Variants in PLA2R1 observed in about 807,000 individuals in gnomAD.
PLA2R1 encodes the protein phospholipase A2 receptor 1.
Under a neutral mutation model 195.9 loss-of-function variants are expected in PLA2R1, and 158 were observed. The ratio of observed to expected loss-of-function variants is 0.81; its 90% CI spans 0.71 to 0.92. The LOEUF (loss-of-function observed/expected upper bound fraction) is 0.92. Among genes scored for constraint, PLA2R1 ranks in the 40% least tolerant of loss-of-function variants. PLA2R1 has a pLI of 0.00. For missense variants in PLA2R1, 1,626 were observed against 1,764.6 expected (o/e 0.92, Z 1.41); for synonymous variants, 586 against 598.2 (o/e 0.98, Z 0.30).
chr2:160,046,395 G>T (rs572949849), intron 1 of PLA2R1, among the ~76,000 whole-genome samples: 1 of 152,198 alleles, frequency 6.6e-6, no homozygotes, highest in Non-Finnish European at 1.5e-5. Flanking sequence ...GGTTTAGGGC[G>T]GGTCATGTAA....
chr2:160,023,215 G>C (rs768127431), intron 6 of PLA2R1, among the ~76,000 whole-genome samples: 9 of 152,104 alleles, frequency 5.9e-5, no homozygotes, highest in Non-Finnish European at 1.2e-4. Flanking sequence ...GTAAAATAAG[G>C]CTGAGACCTA....
At chr2:160,060,668 G>GA (rs1695890951) in intron 1 of PLA2R1, among the ~76,000 whole-genome samples, 1 of 152,194 alleles carries the variant, frequency 6.6e-6, no homozygotes, top group Non-Finnish European at 1.5e-5. Context: ...CTACTAAAAA[G>GA]AAGGCACTGA....
chr2:160,062,551 G>A lies in PLA2R1; in HGVS notation c.-148C>T. 1 of 1,353,154 alleles carries A rather than the reference G, an allele frequency of 7.4e-7. No individual in the cohort carries two copies. The highest frequency in any genetic ancestry group is 1.7e-5 in the South Asian group (1 of 60,288). The allele number at this position is 1,353,154 out of a possible 1,614,324, so 83.8% of individuals were successfully genotyped here. A position where few individuals can be genotyped will look rare whatever the true frequency, so the allele number is the denominator to read the frequency against. ...CCCACCCCCTCCGGGGGCCTTGCCA[G>A]CCCAGAGCCCTGGAGACCCACTCCG... is the stretch of plus-strand genomic sequence containing the variant. On this transcript the variant is annotated 5_prime_UTR_variant, in exon 1 of 30. Coordinates refer to ENST00000283243, the MANE Select transcript of PLA2R1 (RefSeq NM_007366.5).
At position 159,945,192 on chromosome 2, in the gene PLA2R1, T is replaced by C. The variant is rs538644011; in HGVS notation, c.3968-110A>G. 101 of 484,592 alleles carry C rather than the reference T, an allele frequency of 2.1e-4. No individual in the cohort carries two copies. The Middle Eastern group carries it at 4.3e-3, about 20-fold the overall frequency. The allele number at this position is 484,592 out of a possible 1,614,324, so 30.0% of individuals were successfully genotyped here. A position where few individuals can be genotyped will look rare whatever the true frequency, so the allele number is the denominator to read the frequency against. On this transcript the variant is annotated intron_variant, in intron 27 of 29. Transcript: ENST00000283243. The stretch of plus-strand genomic sequence containing the variant: ...CCTGAATTTTTTTATTTTTTTATTT[T>C]TATTTTTATTTTTTTATTATTATAC...
At chr2:159,927,336 A>G (rs1207141013), downstream of PLA2R1, among the ~76,000 whole-genome samples, 1 of 152,072 alleles carries the variant, frequency 6.6e-6, no homozygotes, top group South Asian at 2.1e-4. Context: ...GTTTGTTTCT[A>G]TCTTTGATCA....
chr2:159,924,062 G>A, the PLA2R1 span, among the ~76,000 whole-genome samples: 1 of 152,058 alleles, frequency 6.6e-6, no homozygotes, highest in African/African-American at 2.4e-5. Flanking sequence ...AGGAGAACCC[G>A]TTTCTTCCTT....
chr2:160,039,832 T>C (rs1382067576), intron 3 of PLA2R1, among the ~76,000 whole-genome samples: 3 of 151,766 alleles, frequency 2.0e-5, no homozygotes, highest in African/African-American at 7.3e-5. Context: ...AAATAGATGG[T>C]CTGGGGAATG....
chr2:160,036,781 C>T (rs1026254739), intron 3 of PLA2R1, among the ~76,000 whole-genome samples: 2 of 152,204 alleles, frequency 1.3e-5, no homozygotes, highest in African/African-American at 4.8e-5. Context: ...ATCTATACAA[C>T]TGAAAAGCCT....
Position 159,947,404 on chromosome 2 carries a change from C to A in PLA2R1, c.3850+15G>T, listed in dbSNP as rs763796123. The A allele has an allele frequency of 6.3e-7, 1 of 1,587,658 alleles. No individual in the cohort carries two copies. The highest frequency in any genetic ancestry group is 2.3e-5 in the East Asian group (1 of 43,820). ...GAGCACATGAAAGCATTTTTACCAT[C>A]ACAAAAACAATTACCTTCCTTTTTG... On this transcript the variant is annotated intron_variant, in intron 26 of 29. Coordinates refer to ENST00000283243, the MANE Select transcript of PLA2R1 (RefSeq NM_007366.5).
rs1305550420 is a variant in PLA2R1, at chr2:159,967,688, A to G, written c.2765-10T>C. 1.9e-6 allele frequency: 3 copies of G among 1,611,094 alleles called. No homozygotes were observed. Among genetic ancestry groups the G allele is most frequent in the Non-Finnish European group, 2.5e-6 (3 of 1,178,608 alleles). ...TCACTACCCCAGAGTCCTGGAGGAGAAAATGGGTTAGAAATGGCTTAGGAA... is the reference window on the plus strand; with the variant it reads ...TCACTACCCCAGAGTCCTGGAGGAGGAAATGGGTTAGAAATGGCTTAGGAA... On this transcript the variant is annotated splice_polypyrimidine_tract_variant and intron_variant, in intron 19 of 29. Coordinates refer to ENST00000283243, the MANE Select transcript of PLA2R1 (RefSeq NM_007366.5).
chr2:160,025,453 G>C (rs1206629509), intron 6 of PLA2R1, among the ~76,000 whole-genome samples: 1 of 151,990 alleles, frequency 6.6e-6, no homozygotes, highest in Admixed American at 6.6e-5. Context: ...GATGTAAATA[G>C]CGACATCAAA....
At chr2:160,029,082 C>T (rs1317397779) in intron 4 of PLA2R1, 119 bp from the exon 5 acceptor site, 7 of 663,154 alleles carry the variant, frequency 1.1e-5, no homozygotes, top group African/African-American at 3.6e-5. Context: ...GAAAGGTGCA[C>T]AGAATGCACG....
intron 10 of PLA2R1, among the ~76,000 whole-genome samples, chr2:160,006,930 AAAG>A (rs1443495047): frequency 2.0e-5 from 3 of 152,218 alleles, no homozygotes; most frequent in Non-Finnish European, 2.9e-5. Flanking sequence ...AAAAGAATAA[AAAG>A]AAGTAAAAAT....
intron 23 of PLA2R1, among the ~76,000 whole-genome samples, chr2:159,952,085 G>C (rs887306626): frequency 7.2e-5 from 11 of 152,254 alleles, no homozygotes; most frequent in Admixed American, 2.6e-4. Flanking sequence ...CTTAATGTTT[G>C]CATGTATAAA....
At chr2:160,059,206 C>A (rs1355327908) in intron 1 of PLA2R1, among the ~76,000 whole-genome samples, 1 of 152,150 alleles carries the variant, frequency 6.6e-6, no homozygotes, top group South Asian at 2.1e-4. Flanking sequence ...ACAGATGAAG[C>A]CTCTTTTGTT....
At chr2:159,991,516 GGTTA>G (rs1221749510) in intron 11 of PLA2R1, among the ~76,000 whole-genome samples, 2 of 150,106 alleles carry the variant, frequency 1.3e-5, no homozygotes, top group Non-Finnish European at 3.0e-5. Flanking sequence ...ACATTGTACA[GGTTA>G]GTTACATATG....
chr2:160,043,484 A>T (rs3792195), intron 2 of PLA2R1, among the ~76,000 whole-genome samples: 33 of 152,150 alleles, frequency 2.2e-4, no homozygotes, highest in African/African-American at 6.3e-4. Flanking sequence ...AAGGACCAGC[A>T]GTGGAGAGCC....
chr2:160,032,837 T>C (rs111876489), intron 4 of PLA2R1, 122 bp downstream of exon 4: 9 of 818,996 alleles, frequency 1.1e-5, no homozygotes, highest in African/African-American at 1.8e-5. Context: ...TTTTGGGCCA[T>C]ATTATGGAAA....
At chr2:160,025,247 A>C (rs1693423711) in intron 6 of PLA2R1, among the ~76,000 whole-genome samples, 1 of 152,176 alleles carries the variant, frequency 6.6e-6, no homozygotes, top group African/African-American at 2.4e-5. Flanking sequence ...CTGTAATCCC[A>C]GCACTTTGGG....
Sources: allele counts gnomAD v4.1 joint callset (sites outside exome capture counted in the v4.1 genomes callset), GRCh38; gene constraint gnomAD v4.1.1; transcripts MANE v1.5; gene names NCBI Gene and HGNC (gene_info 2026-07-23, HGNC 2026-07-21).